Variants in KATNIP observed in about 807,000 individuals in gnomAD.
KATNIP encodes katanin interacting protein.
In KATNIP, 126 loss-of-function variants were observed where a neutral mutation model predicts 174.0. That is an observed-to-expected ratio of 0.72 (90% CI 0.63 to 0.84). KATNIP has a LOEUF of 0.84. KATNIP is among the 40% of genes least tolerant of loss of function. The pLI is 0.00. For missense variants in KATNIP, 1,958 were observed against 2,109.7 expected, an observed-to-expected ratio of 0.93 and a Z score of 1.41; for synonymous variants, 810 against 835.7, an observed-to-expected ratio of 0.97 and a Z score of 0.53.
Position 27,721,631 on chromosome 16 carries a change from C to A in KATNIP, c.1679C>A (p.Thr560Lys). 1 of 1,614,178 alleles carries A rather than the reference C, an allele frequency of 6.2e-7. No individual in the cohort carries two copies. The change falls in exon 14 of 28, where the codon ACA (threonine) becomes AAA (lysine). Residue 560 changes from threonine to lysine, a missense_variant. By Grantham distance (78) the Thr-to-Lys change is moderately conservative (BLOSUM62 -1). Transcript: ENST00000261588. ...PLQLFFVIRNTRQLGDFHLAK... is the reference protein window; with the variant it reads ...PLQLFFVIRNKRQLGDFHLAK... ...CAGCTGTTTTTTGTTATTCGAAACA[C>A]AAGACAGCTGGGGGACTTCCATCTG...
At chr16:27,708,414 G>C in intron 12 of KATNIP, 1 of 338,118 alleles carries the variant, frequency 3.0e-6, no homozygotes, top group Non-Finnish European at 5.4e-6. Context: ...TGCATGTTCA[G>C]GCAGAATTCA....
At chr16:27,731,166 T>C (rs1286210408) in intron 14 of KATNIP, among the ~76,000 whole-genome samples, 1 of 151,556 alleles carries the variant, frequency 6.6e-6, no homozygotes, top group Non-Finnish European at 1.5e-5. Context: ...ATGGGCTGCA[T>C]TGAATAAAGT....
intron 6 of KATNIP, among the ~76,000 whole-genome samples, chr16:27,663,152 CTTTTTTT>C (rs11440523): frequency 1.2e-5 from 1 of 80,052 alleles, no homozygotes; most frequent in Non-Finnish European, 2.5e-5. Context: ...TTTTCTTCTT[CTTTTTTT>C]TTTTTTTTTT....
chr16:27,628,206 G>A (rs2076386927), intron 3 of KATNIP, among the ~76,000 whole-genome samples: 1 of 152,170 alleles, frequency 6.6e-6, no homozygotes, highest in Admixed American at 6.5e-5. Context: ...TAAATGGGTG[G>A]TATGAAATCT....
At chr16:27,664,695 A>G (rs1290673877) in intron 6 of KATNIP, among the ~76,000 whole-genome samples, 2 of 152,186 alleles carry the variant, frequency 1.3e-5, no homozygotes, top group Non-Finnish European at 2.9e-5. Context: ...TGCCTTATAT[A>G]TTTCAAATAT....
At chr16:27,716,881 G>A (rs531676556) in intron 13 of KATNIP, among the ~76,000 whole-genome samples, 6 of 151,604 alleles carry the variant, frequency 4.0e-5, no homozygotes, top group Admixed American at 6.6e-5. Context: ...GTCTCACACT[G>A]TCGCCCAGGC....
chr16:27,703,800 C>T, intron 11 of KATNIP, 96 bp from the exon 12 acceptor site: 1 of 940,212 alleles, frequency 1.1e-6, no homozygotes, highest in Non-Finnish European at 1.7e-6. Flanking sequence ...CCCTTCAAAT[C>T]ATTTCCTATC....
At chr16:27,596,166 A>G (rs2075328620) in intron 2 of KATNIP, among the ~76,000 whole-genome samples, 1 of 152,088 alleles carries the variant, frequency 6.6e-6, no homozygotes, top group Admixed American at 6.6e-5. Flanking sequence ...CGAAGGTGAA[A>G]GGAGGCAGTG....
At chr16:27,655,676 C>T (rs531313849) in intron 6 of KATNIP, among the ~76,000 whole-genome samples, 25 of 152,264 alleles carry the variant, frequency 1.6e-4, no homozygotes, top group African/African-American at 3.4e-4. Context: ...TCCATCACGA[C>T]GTTAACCCTG....
chr16:27,592,129 T>G lies in KATNIP; in HGVS notation c.63+18173T>G, dbSNP rs80159489. Among the ~76,000 whole-genome samples the G allele has an allele frequency of 3.6e-3, 549 of 152,238 alleles. 29 individuals carry two copies. In the East Asian group the frequency reaches 0.098, roughly 27 times the overall value. ...ATGCCACCCTTCCAGGGAAAAGTAA[T>G]TTAGATGACTGGGCATGATGATTAA... On this transcript the variant is annotated intron_variant, in intron 2 of 27. Transcript: ENST00000261588.
intron 2 of KATNIP, among the ~76,000 whole-genome samples, chr16:27,593,253 T>C (rs1454062916): frequency 8.7e-6 from 1 of 115,226 alleles, no homozygotes; most frequent in African/African-American, 3.3e-5. Flanking sequence ...TTTTTTTTTT[T>C]TGTCTGAGAC....
At chr16:27,611,171 G>A (rs1342900545) in intron 2 of KATNIP, among the ~76,000 whole-genome samples, 4 of 152,096 alleles carry the variant, frequency 2.6e-5, no homozygotes, top group East Asian at 1.9e-4. Context: ...TCAGCTATTC[G>A]GGATTTACAG....
chr16:27,769,739 G>A, intron 20 of KATNIP, 122 bp from the exon 21 acceptor site: 1 of 1,163,150 alleles, frequency 8.6e-7, no homozygotes, highest in Non-Finnish European at 1.2e-6. Context: ...CCTCGGTCAG[G>A]TGGCTCTGCG....
At chr16:27,614,219 G>A (rs576237099) in intron 2 of KATNIP, among the ~76,000 whole-genome samples, 106 of 151,990 alleles carry the variant, frequency 7.0e-4, no homozygotes, top group African/African-American at 2.4e-3. Flanking sequence ...AGGCTGGAGT[G>A]CAGTGGTGCT....
chr16:27,601,497 T>A (rs1336284648), intron 2 of KATNIP, among the ~76,000 whole-genome samples: 2 of 150,534 alleles, frequency 1.3e-5, no homozygotes, highest in Non-Finnish European at 3.0e-5. Context: ...GCAGGGGGAG[T>A]GGGGCGGGTG....
chr16:27,599,253 C>T (rs1189111310), intron 2 of KATNIP, among the ~76,000 whole-genome samples: 62 of 152,244 alleles, frequency 4.1e-4, no homozygotes, highest in Admixed American at 4.0e-3. Flanking sequence ...AAGCCCTAAA[C>T]TCCGAACCCG....
intron 8 of KATNIP, among the ~76,000 whole-genome samples, chr16:27,688,929 G>A (rs960354652): frequency 6.6e-6 from 1 of 152,158 alleles, no homozygotes; most frequent in Non-Finnish European, 1.5e-5. Flanking sequence ...AGTCTGGCAT[G>A]GCCCAGGCTG....
rs16976970 is a variant in KATNIP at position 27,749,614 on chromosome 16, G to T, written c.2654G>T (p.Arg885Leu). 12 of 1,543,038 alleles carry T rather than the reference G, an allele frequency of 7.8e-6. No individual in the cohort carries two copies. Among genetic ancestry groups the T allele is most frequent in the Non-Finnish European group, 1.0e-5 (12 of 1,146,302 alleles). The change falls in exon 16 of 28, where the codon CGG (arginine) becomes CTG (leucine). Residue 885 changes from arginine to leucine, a missense_variant. This residue lies in a region of KATNIP where 1,557 missense variants were observed against 1,617.8 expected (regional missense o/e 0.96). Transcript: ENST00000261588. ...EDTWSSRTPS[R>L]SRWRSEQEHT... ...ACCTGGTCTTCCAGGACGCCGTCAC[G>T]GTCAAGGTGGCGCAGTGAGCAGGAG...
chr16:27,628,156 G>A (rs930169403), intron 3 of KATNIP, among the ~76,000 whole-genome samples: 2 of 152,212 alleles, frequency 1.3e-5, no homozygotes, highest in Admixed American at 6.5e-5. Flanking sequence ...GAAGCAAAAC[G>A]TTAGCCCACC....
Sources: allele counts gnomAD v4.1 joint callset (sites outside exome capture counted in the v4.1 genomes callset), GRCh38; gene constraint gnomAD v4.1.1; regional missense constraint gnomAD v4.1.1; transcripts MANE v1.5; gene names NCBI Gene and HGNC (gene_info 2026-07-23, HGNC 2026-07-21).